Variants in KIF3B observed in about 807,000 individuals in gnomAD.
The protein encoded by KIF3B is kinesin family member 3B.
Under a neutral mutation model 74.3 loss-of-function variants are expected in KIF3B, and 38 were observed. That is an observed-to-expected ratio of 0.51 (90% CI 0.39 to 0.67). The LOEUF is 0.67. Ranked by LOEUF, KIF3B falls within the 30% of genes least tolerant of loss-of-function variation. KIF3B has a pLI of 0.00. For missense variants in KIF3B, 649 were observed against 932.0 expected (o/e 0.70, Z 3.95); for synonymous variants, 326 against 342.5 (o/e 0.95, Z 0.53).
intron 1 of KIF3B, among the ~76,000 whole-genome samples, chr20:32,301,749 C>G (rs1237052250): frequency 6.6e-6 from 1 of 152,178 alleles, no homozygotes; most frequent in East Asian, 1.9e-4. Context: ...TGACCTCTCT[C>G]TTACGCTTTC....
intron 5 of KIF3B, among the ~76,000 whole-genome samples, chr20:32,322,472 G>T (rs1394742490): frequency 6.7e-6 from 1 of 148,650 alleles, no homozygotes; most frequent in Admixed American, 7.0e-5. Flanking sequence ...GCCAGGCGTG[G>T]TGGCGGGTGT....
chr20:32,308,781 A>G (rs1198773879), intron 1 of KIF3B, among the ~76,000 whole-genome samples: 2 of 146,434 alleles, frequency 1.4e-5, no homozygotes, highest in African/African-American at 2.6e-5. Flanking sequence ...GCTGGAGCGC[A>G]GTGCCAGGAT....
intron 1 of KIF3B, among the ~76,000 whole-genome samples, chr20:32,294,847 G>C (rs924608700): frequency 3.3e-5 from 5 of 152,166 alleles, no homozygotes; most frequent in Non-Finnish European, 2.9e-5. Context: ...CTGTATCATA[G>C]TAATTCTGTT....
intron 1 of KIF3B, among the ~76,000 whole-genome samples, chr20:32,303,794 G>T (rs1348192924): frequency 3.3e-5 from 5 of 150,066 alleles, no homozygotes; most frequent in African/African-American, 1.2e-4. Flanking sequence ...GGCAGAGGTT[G>T]CAGTGAGCCA....
intron 1 of KIF3B, among the ~76,000 whole-genome samples, chr20:32,290,357 T>TG (rs1346578913): frequency 6.6e-6 from 1 of 152,134 alleles, no homozygotes; most frequent in African/African-American, 2.4e-5. Context: ...CACTGCAGCC[T>TG]GGGTGACAGC....
intron 5 of KIF3B, among the ~76,000 whole-genome samples, chr20:32,326,142 A>G (rs2047902865): frequency 6.6e-6 from 1 of 152,116 alleles, no homozygotes; most frequent in Admixed American, 6.6e-5. Context: ...AGTCATCACC[A>G]TAGAGAGACA....
At chr20:32,319,703 A>G (rs2047849267) in intron 5 of KIF3B, among the ~76,000 whole-genome samples, 1 of 147,210 alleles carries the variant, frequency 6.8e-6, no homozygotes, top group East Asian at 2.0e-4. Context: ...CTCATGCCTC[A>G]GCCTCCCGAA....
At chr20:32,290,269 G>A (rs979674226) in intron 1 of KIF3B, among the ~76,000 whole-genome samples, 5 of 152,084 alleles carry the variant, frequency 3.3e-5, no homozygotes, top group African/African-American at 1.2e-4. Context: ...TGTAATCCCA[G>A]CTGCTTGGGA....
chr20:32,325,653 C>CTTTTTTTTTTTTTTT (rs200570783), intron 5 of KIF3B, among the ~76,000 whole-genome samples: 6 of 90,278 alleles, frequency 6.6e-5, no homozygotes, highest in African/African-American at 7.8e-5. Context: ...CTCTCTCTCT[C>CTTTTTTTTTTTTTTT]TCTTTTTTTT....
intron 5 of KIF3B, among the ~76,000 whole-genome samples, chr20:32,326,196 C>T (rs1406673832): frequency 6.6e-6 from 1 of 152,138 alleles, no homozygotes; most frequent in African/African-American, 2.4e-5. Flanking sequence ...GTTTCCTGGG[C>T]ACTTGTCAGA....
At chr20:32,290,876 CAAA>C (rs756263088) in intron 1 of KIF3B, among the ~76,000 whole-genome samples, 2 of 99,980 alleles carry the variant, frequency 2.0e-5, no homozygotes, top group Admixed American at 1.1e-4. Context: ...GACTGTGTCT[CAAA>C]AAAAAAAAAA....
Position 32,316,852 on chromosome 20 carries a change from C to T in KIF3B, c.1726C>T (p.Leu576Phe), listed in dbSNP as rs1199479179. 1 of 1,613,746 alleles carries T rather than the reference C, an allele frequency of 6.2e-7. No individual in the cohort carries two copies. The highest frequency in any genetic ancestry group is 1.1e-5 in the South Asian group (1 of 91,078). Residue 576 changes from leucine to phenylalanine, a missense_variant, in exon 5 of 9, where the codon CTC (leucine) becomes TTC (phenylalanine). Around this residue, in one of 4 missense-constraint regions of KIF3B, gnomAD observed 363 missense variants for 592.8 expected, o/e 0.61. Coordinates refer to ENST00000375712, the MANE Select transcript of KIF3B (RefSeq NM_004798.4). ...RQELEQTQNE[L>F]TRELKLKHLI... Reference sequence around the variant, plus strand: ...AGAGCTAGAGCAGACTCAGAATGAGCTCACCAGGGAGCTGAAACTCAAGTA... The same window carrying T: ...AGAGCTAGAGCAGACTCAGAATGAGTTCACCAGGGAGCTGAAACTCAAGTA...
intron 1 of KIF3B, 128 bp downstream of exon 1, chr20:32,277,893 T>A (rs1195487300): frequency 6.3e-6 from 1 of 158,336 alleles, no homozygotes; most frequent in Non-Finnish European, 1.4e-5. Flanking sequence ...TCCTCTGCCC[T>A]GCCTCCTAGG....
intron 1 of KIF3B, among the ~76,000 whole-genome samples, chr20:32,308,707 G>A (rs1233536506): frequency 6.7e-6 from 1 of 148,842 alleles, no homozygotes; most frequent in Non-Finnish European, 1.5e-5. Flanking sequence ...CACTGAGCCT[G>A]GTCATTATTT....
intron 1 of KIF3B, among the ~76,000 whole-genome samples, chr20:32,280,201 C>T (rs1388164398): frequency 6.6e-6 from 1 of 152,136 alleles, no homozygotes; most frequent in Non-Finnish European, 1.5e-5. Flanking sequence ...ATTTGGTAAA[C>T]ATTAGCTATC....
chr20:32,283,988 T>C (rs1216023931), intron 1 of KIF3B, among the ~76,000 whole-genome samples: 2 of 151,282 alleles, frequency 1.3e-5, no homozygotes, highest in Non-Finnish European at 1.5e-5. Context: ...CAGTCATAGC[T>C]CATTGTAACC....
At chr20:32,318,619 C>T (rs984970574) in intron 5 of KIF3B, among the ~76,000 whole-genome samples, 19 of 152,056 alleles carry the variant, frequency 1.2e-4, no homozygotes, top group African/African-American at 3.6e-4. Context: ...TCGTCCATGC[C>T]GTAGCATGGA....
intron 1 of KIF3B, among the ~76,000 whole-genome samples, chr20:32,295,289 C>T (rs769125063): frequency 7.3e-5 from 11 of 151,518 alleles, no homozygotes; most frequent in East Asian, 1.9e-4. Flanking sequence ...TGACGCCCCC[C>T]GCCCCCTTTT....
At chr20:32,303,984 ATTTTAATC>A (rs1328890892) in intron 1 of KIF3B, among the ~76,000 whole-genome samples, 1 of 152,146 alleles carries the variant, frequency 6.6e-6, no homozygotes, top group East Asian at 1.9e-4. Flanking sequence ...CTGTATTGTT[ATTTTAATC>A]TAGCTTTGTA....
Sources: allele counts gnomAD v4.1 joint callset (sites outside exome capture counted in the v4.1 genomes callset), GRCh38; gene constraint gnomAD v4.1.1; regional missense constraint gnomAD v4.1.1; transcripts MANE v1.5; gene names NCBI Gene and HGNC (gene_info 2026-07-23, HGNC 2026-07-21).